The following TCF4 variants were observed in gnomAD, a reference collection of about 807,000 sequenced individuals.
TCF4 encodes the protein SL3-3 enhancer factor 2.
Under a neutral mutation model 82.1 loss-of-function variants are expected in TCF4, and 3 were observed. The ratio of observed to expected loss-of-function variants is 0.04; its 90% CI spans 0.02 to 0.09. The LOEUF is 0.09. TCF4 is among the 10% of genes least tolerant of loss of function. The pLI is 1.00. For missense variants in TCF4, 518 were observed against 852.7 expected (o/e 0.61, Z 4.89); for synonymous variants, 276 against 309.6 (o/e 0.89, Z 1.14).
At chr18:55,635,274 C>T (rs1337051676) in intron 1 of TCF4, among the ~76,000 whole-genome samples, 1 of 152,028 alleles carries the variant, frequency 6.6e-6, no homozygotes, top group Non-Finnish European at 1.5e-5. Context: ...TTTGGGAGGC[C>T]GAGATGGACA....
intron 3 of TCF4, among the ~76,000 whole-genome samples, chr18:55,484,616 T>C (rs896832963): frequency 1.2e-4 from 18 of 152,200 alleles, no homozygotes; most frequent in South Asian, 2.1e-4. Flanking sequence ...AGTGCGGGCC[T>C]TGGAAACCAG....
chr18:55,539,031 C>T (rs990141629), intron 3 of TCF4, among the ~76,000 whole-genome samples: 22 of 151,502 alleles, frequency 1.5e-4, no homozygotes, highest in African/African-American at 3.4e-4. Flanking sequence ...CACACGTGCG[C>T]GCACACACAC....
At chr18:55,353,118 T>C (rs2082659206) in intron 6 of TCF4, among the ~76,000 whole-genome samples, 1 of 152,190 alleles carries the variant, frequency 6.6e-6, no homozygotes, top group East Asian at 1.9e-4. Flanking sequence ...TTAATTCCTC[T>C]TGGTCCTGGT....
intron 6 of TCF4, among the ~76,000 whole-genome samples, chr18:55,369,628 T>G (rs982485933): frequency 2.6e-5 from 4 of 152,242 alleles, no homozygotes; most frequent in African/African-American, 9.6e-5. Flanking sequence ...GAATTCATGC[T>G]GCCCTCACAC....
At chr18:55,476,715 A>G (rs1177528329) in intron 3 of TCF4, among the ~76,000 whole-genome samples, 4 of 151,746 alleles carry the variant, frequency 2.6e-5, no homozygotes, top group African/African-American at 9.7e-5. Flanking sequence ...CAATCCTCCC[A>G]CCTCAGCCTC....
intron 5 of TCF4, chr18:55,403,998 T>C: frequency 8.2e-7 from 1 of 1,216,774 alleles, no homozygotes; most frequent in Non-Finnish European, 1.0e-6. Context: ...TCTGAGTCTC[T>C]CTCTCTCTCT....
intron 5 of TCF4, among the ~76,000 whole-genome samples, chr18:55,420,367 T>C (rs1603456668): frequency 1.3e-5 from 2 of 152,182 alleles, no homozygotes; most frequent in Admixed American, 6.5e-5. Context: ...TTACCATGAT[T>C]ATGTGTAAAA....
chr18:55,338,386 C>G (rs537993790), intron 8 of TCF4, among the ~76,000 whole-genome samples: 12 of 152,184 alleles, frequency 7.9e-5, no homozygotes, highest in Non-Finnish European at 1.6e-4. Flanking sequence ...GAGGCACTAT[C>G]CGCAGGCTCA....
At position 55,429,475 on chromosome 18, in the gene TCF4, A is replaced by T. The variant is rs1207299728; in HGVS notation, c.305-25957T>A. 2.0e-5 allele frequency among the ~76,000 whole-genome samples: 3 copies of T among 152,340 alleles called. No individual in the cohort carries two copies. In the East Asian group the frequency reaches 5.8e-4, roughly 29 times the overall value. ...TTCCATGAGAACTCCTAAAAAGCCC[A>T]TTTGGGGCCGAGCACGATGGCTCAC... On this transcript the variant is annotated intron_variant, in intron 5 of 19. Coordinates refer to ENST00000354452, the MANE Select transcript of TCF4 (RefSeq NM_001083962.2).
At chr18:55,377,462 T>C (rs2091029612) in intron 6 of TCF4, among the ~76,000 whole-genome samples, 1 of 152,252 alleles carries the variant, frequency 6.6e-6, no homozygotes, top group Non-Finnish European at 1.5e-5. Context: ...CATTTTATCC[T>C]GTTATTATCA....
rs1569192843 is a variant in TCF4, at chr18:55,362,438, A to AGGAAGGAAGGAAGGAAGGAAGG, written c.370-11436_370-11435insCCTTCCTTCCTTCCTTCCTTCC. On this transcript the variant is annotated intron_variant, in intron 6 of 19. Coordinates refer to ENST00000354452, the MANE Select transcript of TCF4 (RefSeq NM_001083962.2). ...GGAAGGAAGGAAGGAAGGAAGGAAA[A>AGGAAGGAAGGAAGGAAGGAAGG]AAAAAAAGAAGAAAACATGTATCTG... Among the ~76,000 whole-genome samples the AGGAAGGAAGGAAGGAAGGAAGG allele has an allele frequency of 1.6e-4, 20 of 124,662 alleles. 3 individuals are homozygous for AGGAAGGAAGGAAGGAAGGAAGG. Among genetic ancestry groups the AGGAAGGAAGGAAGGAAGGAAGG allele is most frequent in the African/African-American group, 6.0e-4 (17 of 28,492 alleles). 81.8% of individuals were successfully genotyped at this position (124,662 alleles called of 152,430 possible).
chr18:55,413,838 C>T (rs982199660), intron 5 of TCF4, among the ~76,000 whole-genome samples: 1 of 152,122 alleles, frequency 6.6e-6, no homozygotes, highest in Non-Finnish European at 1.5e-5. Flanking sequence ...AATTTTTAAT[C>T]CTGAAACTTG....
chr18:55,350,359 T>A lies in TCF4; in HGVS notation c.549A>T (p.Ser183=), dbSNP rs919002190. ...CAAAGCAGAAACAAGCAGTACTTAC[T>A]GAAGATGGCAAACCTGGAGGAACTT... ...VRKVPPGLPS[S]VYAPSASTAD... Residue 183 remains serine (S), a splice_region_variant and synonymous_variant, in exon 8 of 20, where the codon TCA becomes TCT. Transcript: ENST00000354452. 1 of 1,613,528 alleles carries A rather than the reference T, an allele frequency of 6.2e-7. No individual in the cohort carries two copies. The highest frequency in any genetic ancestry group is 1.3e-5 in the African/African-American group (1 of 74,902).
chr18:55,296,627 TTTC>T (rs1322320754), intron 8 of TCF4, among the ~76,000 whole-genome samples: 2 of 152,318 alleles, frequency 1.3e-5, no homozygotes, highest in East Asian at 3.9e-4. Flanking sequence ...AAATGATACG[TTTC>T]TTCTGTTATA....
At chr18:55,582,214 A>C (rs910828667) in intron 3 of TCF4, among the ~76,000 whole-genome samples, 3 of 152,228 alleles carry the variant, frequency 2.0e-5, no homozygotes, top group Middle Eastern at 3.4e-3. Flanking sequence ...TTGGTAACTT[A>C]GGTATCCTAC....
chr18:55,424,067 TG>T (rs2094887486), intron 5 of TCF4, among the ~76,000 whole-genome samples: 1 of 152,126 alleles, frequency 6.6e-6, no homozygotes, highest in South Asian at 2.1e-4. Context: ...TTTTTAAGGG[TG>T]ACTGCTTGGC....
intron 3 of TCF4, among the ~76,000 whole-genome samples, chr18:55,484,896 G>A (rs1385844404): frequency 6.6e-6 from 1 of 152,084 alleles, no homozygotes; most frequent in East Asian, 1.9e-4. Context: ...TGTTCACATA[G>A]CCACCACTCC....
At chr18:55,529,888 C>T (rs1478580670) in intron 3 of TCF4, among the ~76,000 whole-genome samples, 1 of 152,060 alleles carries the variant, frequency 6.6e-6, no homozygotes, top group Non-Finnish European at 1.5e-5. Flanking sequence ...ATTCAGTTAA[C>T]ACTCCTTTCA....
chr18:55,569,828 A>C (rs920281060), intron 3 of TCF4, among the ~76,000 whole-genome samples: 1 of 152,180 alleles, frequency 6.6e-6, no homozygotes, highest in South Asian at 2.1e-4. Context: ...TAATTCTCCC[A>C]AAATTGATCT....
Sources: gnomAD v4.1 joint callset for allele counts (sites outside exome capture counted in the v4.1 genomes callset) on GRCh38, gnomAD v4.1.1 for gene constraint, MANE v1.5 for transcripts, NCBI Gene and HGNC (gene_info 2026-07-23, HGNC 2026-07-21) for gene names.